RPAP2: variants seen among roughly 807,000 people sequenced by gnomAD.
The protein encoded by RPAP2 is putative RNA polymerase II subunit B1 CTD phosphatase RPAP2.
Under a neutral mutation model 73.1 loss-of-function variants are expected in RPAP2, and 52 were observed. The ratio of observed to expected loss-of-function variants is 0.71; its 90% confidence interval spans 0.57 to 0.90. RPAP2 has a LOEUF of 0.90. Among genes scored for constraint, RPAP2 ranks in the 40% least tolerant of loss-of-function variants. The probability of loss-of-function intolerance (pLI) is 0.00; values close to 1 mark genes in which losing one functional copy is unlikely to be tolerated. For missense variants in RPAP2, 598 were observed against 701.8 expected (o/e 0.85, Z 1.67); for synonymous variants, 225 against 242.1 (o/e 0.93, Z 0.65).
intron 6 of RPAP2, among the ~76,000 whole-genome samples, chr1:92,311,521 A>G (rs1651595024): frequency 6.6e-6 from 1 of 152,244 alleles, no homozygotes; most frequent in South Asian, 2.1e-4. Context: ...CTTTTAAATT[A>G]TGAAGAAAAA....
chr1:92,300,296 T>C, intron 2 of RPAP2, 57 bp downstream of exon 2: 2 of 1,303,726 alleles, frequency 1.5e-6, no homozygotes, highest in Non-Finnish European at 2.2e-6. Context: ...GTATTACTTG[T>C]ACCAATTTTA....
At chr1:92,344,787 G>C (rs1478890075) in intron 10 of RPAP2, among the ~76,000 whole-genome samples, 1 of 152,092 alleles carries the variant, frequency 6.6e-6, no homozygotes, top group Non-Finnish European at 1.5e-5. Context: ...TGGATGGAGT[G>C]AATTATTGTC....
chr1:92,360,329 G>A (rs1654673704), intron 11 of RPAP2, among the ~76,000 whole-genome samples: 1 of 152,236 alleles, frequency 6.6e-6, no homozygotes, highest in Admixed American at 6.5e-5. Flanking sequence ...AGTTTCTACA[G>A]AATGATAGGA....
At chr1:92,365,361 CT>C (rs1479098854) in intron 11 of RPAP2, among the ~76,000 whole-genome samples, 1 of 151,476 alleles carries the variant, frequency 6.6e-6, no homozygotes, top group Non-Finnish European at 1.5e-5. Context: ...GTTTTCAATA[CT>C]GGCTATACAT....
At chr1:92,383,433 C>G (rs1286585395) in intron 12 of RPAP2, among the ~76,000 whole-genome samples, 1 of 152,132 alleles carries the variant, frequency 6.6e-6, no homozygotes, top group Non-Finnish European at 1.5e-5. Context: ...TTTGTATCCT[C>G]TTTTATTTCA....
At chr1:92,358,684 T>C (rs575060484) in intron 11 of RPAP2, among the ~76,000 whole-genome samples, 3 of 151,890 alleles carry the variant, frequency 2.0e-5, no homozygotes, top group Non-Finnish European at 4.4e-5. Flanking sequence ...ATCTCCTGAG[T>C]TCAAGTGATC....
At chr1:92,385,106 C>T (rs1224358560) in intron 12 of RPAP2, among the ~76,000 whole-genome samples, 3 of 149,202 alleles carry the variant, frequency 2.0e-5, no homozygotes, top group Non-Finnish European at 4.4e-5. Context: ...CCCAGGAGGT[C>T]GAGGCTGCAG....
chr1:92,300,709 A>G (rs1650778248), intron 2 of RPAP2, among the ~76,000 whole-genome samples: 1 of 152,222 alleles, frequency 6.6e-6, no homozygotes, highest in Admixed American at 6.5e-5. Context: ...GAAGGGGATT[A>G]AAAGCATATG....
intron 11 of RPAP2, among the ~76,000 whole-genome samples, chr1:92,363,485 C>T (rs1654810618): frequency 6.6e-6 from 1 of 152,170 alleles, no homozygotes; most frequent in Non-Finnish European, 1.5e-5. Flanking sequence ...GAGATTTTTA[C>T]ATCATGCCTA....
intron 8 of RPAP2, among the ~76,000 whole-genome samples, chr1:92,325,715 C>T (rs1032597546): frequency 3.3e-5 from 5 of 152,028 alleles, no homozygotes; most frequent in Non-Finnish European, 7.4e-5. Flanking sequence ...AAACTAGAAG[C>T]CCCATATATA....
rs1164053366 is a variant in RPAP2 at position 92,303,178 on chromosome 1, TGATA to T, written c.235-795_235-792del. Among the ~76,000 whole-genome samples, 3 of 152,322 alleles carry T rather than the reference TGATA, an allele frequency of 2.0e-5. No homozygotes were observed. The East Asian group carries it at 5.8e-4, about 29-fold the overall frequency. On this transcript the variant is annotated intron_variant, in intron 3 of 12. Coordinates refer to ENST00000610020, the MANE Select transcript of RPAP2 (RefSeq NM_024813.3). ...TTACAAAAACACTTCTTAGTGTAGTTGATAGATCTTTTTCTAAACAGGAATATGA... is the reference window on the plus strand; with the variant it reads ...TTACAAAAACACTTCTTAGTGTAGTTGATCTTTTTCTAAACAGGAATATGA...
At chr1:92,366,578 G>A (rs1039663332) in intron 11 of RPAP2, among the ~76,000 whole-genome samples, 1 of 152,134 alleles carries the variant, frequency 6.6e-6, no homozygotes, top group South Asian at 2.1e-4. Flanking sequence ...GATGTTTTCG[G>A]TGTCTCACTA....
At chr1:92,342,399 A>G (rs1653646074) in intron 10 of RPAP2, among the ~76,000 whole-genome samples, 1 of 152,136 alleles carries the variant, frequency 6.6e-6, no homozygotes. Flanking sequence ...GTAGAGAGAT[A>G]TGTGGTCAGA....
chr1:92,299,187 C>T lies in RPAP2; in HGVS notation c.73+41C>T, dbSNP rs1386939929. 4.7e-6 allele frequency: 6 copies of T among 1,280,310 alleles called. No homozygotes were observed. The East Asian group carries it at 1.4e-4, about 30-fold the overall frequency. The allele number at this position is 1,280,310 out of a possible 1,614,324, so 79.3% of individuals were successfully genotyped here. A position where few individuals can be genotyped will look rare whatever the true frequency, so the allele number is the denominator to read the frequency against. ...TCTTCCCACTTTTGGACCCTGAAAGCTGGGCCCCGATCTCGAGTTATAGAC... is the reference window on the plus strand; with the variant it reads ...TCTTCCCACTTTTGGACCCTGAAAGTTGGGCCCCGATCTCGAGTTATAGAC... On this transcript the variant is annotated intron_variant, in intron 1 of 12. Transcript: ENST00000610020.
chr1:92,364,659 C>G (rs1016125603), intron 11 of RPAP2, among the ~76,000 whole-genome samples: 20 of 152,276 alleles, frequency 1.3e-4, no homozygotes, highest in African/African-American at 4.8e-4. Context: ...TCTCTCATAT[C>G]TAATCAATTG....
At chr1:92,344,202 G>A (rs1488466938) in intron 10 of RPAP2, among the ~76,000 whole-genome samples, 1 of 152,178 alleles carries the variant, frequency 6.6e-6, no homozygotes, top group Non-Finnish European at 1.5e-5. Flanking sequence ...TTGAGGCCAG[G>A]AGTTAGAGAT....
chr1:92,377,626 G>GT lies in RPAP2; in HGVS notation c.1689-3096dup, dbSNP rs549544487. ...TCATCTCAAGAGCCAGCCCTGAACA[G>GT]TTGAAATGGTTATTCAGAGTCCTGT... On this transcript the variant is annotated intron_variant, in intron 11 of 12. Transcript: ENST00000610020. Among the ~76,000 whole-genome samples the GT allele has an allele frequency of 1.5e-4, 23 of 151,744 alleles. 1 individual carries two copies. In the South Asian group the frequency reaches 3.1e-3, roughly 21 times the overall value.
At chr1:92,324,914 C>T (rs1652538039) in intron 8 of RPAP2, among the ~76,000 whole-genome samples, 1 of 152,192 alleles carries the variant, frequency 6.6e-6, no homozygotes, top group South Asian at 2.1e-4. Context: ...ATTTGAACAT[C>T]TGTTGTGTCA....
At chr1:92,372,152 T>A (rs1243344119) in intron 11 of RPAP2, among the ~76,000 whole-genome samples, 2 of 152,196 alleles carry the variant, frequency 1.3e-5, no homozygotes, top group East Asian at 3.8e-4. Context: ...AATAACTTTA[T>A]GTAGATACCC....
Sources: allele counts gnomAD v4.1 joint callset (sites outside exome capture counted in the v4.1 genomes callset), GRCh38; gene constraint gnomAD v4.1.1; transcripts MANE v1.5; gene names NCBI Gene and HGNC (gene_info 2026-07-23, HGNC 2026-07-21).